Variants in C3orf22 observed in about 807,000 individuals in gnomAD.
The protein encoded by C3orf22 is chromosome 3 open reading frame 22, also known as uncharacterized protein C3orf22.
A neutral mutation model predicts 10.8 loss-of-function variants in C3orf22; 7 were observed. The observed-to-expected ratio is 0.65, with a 90% CI of 0.37 to 1.22. The LOEUF is 1.22. Ranked by LOEUF, C3orf22 falls within the 50% of genes most tolerant of loss-of-function variation. The probability of loss-of-function intolerance (pLI) is 0.02; values close to 1 mark genes in which losing one functional copy is unlikely to be tolerated. For missense variants in C3orf22, 173 were observed against 177.0 expected (o/e 0.98, Z 0.13); for synonymous variants, 79 against 78.9 (o/e 1.00, Z 0.00).
At chr3:126,528,771 G>A (rs1463383473) in intron 5 of C3orf22, among the ~76,000 whole-genome samples, 1 of 152,114 alleles carries the variant, frequency 6.6e-6, no homozygotes, top group Non-Finnish European at 1.5e-5. Flanking sequence ...AATACACGTG[G>A]AGAGATCTCT....
At chr3:126,529,055 C>A (rs150795824) in intron 5 of C3orf22, 1 of 355,008 alleles carries the variant, frequency 2.8e-6, no homozygotes, top group Non-Finnish European at 5.6e-6. Flanking sequence ...TAACCAGAAG[C>A]CGAGTGTCAT....
intron 4 of C3orf22, chr3:126,542,613 T>G: frequency 7.0e-7 from 1 of 1,438,480 alleles, no homozygotes; most frequent in Non-Finnish European, 9.1e-7. Context: ...GCGGGGCAAG[T>G]GCCTTTCCGA....
intron 1 of C3orf22, among the ~76,000 whole-genome samples, chr3:126,556,140 T>G (rs1261653527): frequency 6.6e-6 from 1 of 152,202 alleles, no homozygotes; most frequent in Non-Finnish European, 1.5e-5. Context: ...GCCTGAGATT[T>G]GCAGCAGATG....
downstream of C3orf22, among the ~76,000 whole-genome samples, chr3:126,549,251 G>GC (rs113455201): frequency 5.1e-5 from 5 of 98,220 alleles, no homozygotes; most frequent in African/African-American, 1.2e-4. Flanking sequence ...CCTCATCCAC[G>GC]CCCCCCCCCC....
At chr3:126,553,270 G>C (rs1377211586) in intron 2 of C3orf22, 32 bp downstream of exon 2, 15 of 1,491,894 alleles carry the variant, frequency 1.0e-5, no homozygotes, top group Non-Finnish European at 1.4e-5. Flanking sequence ...GGGGAGGCAG[G>C]GCTTGTCTCC....
chr3:126,544,869 C>T (rs1177413459), downstream of C3orf22, among the ~76,000 whole-genome samples: 1 of 152,248 alleles, frequency 6.6e-6, no homozygotes, highest in African/African-American at 2.4e-5. Context: ...ACGCTGTGCC[C>T]ACCACATGCA....
chr3:126,531,721 AT>A (rs1387418931), intron 4 of C3orf22, among the ~76,000 whole-genome samples: 3 of 152,134 alleles, frequency 2.0e-5, no homozygotes, highest in Admixed American at 2.0e-4. Flanking sequence ...CAGCTGATGG[AT>A]TTGGGTTGTT....
intron 5 of C3orf22, among the ~76,000 whole-genome samples, chr3:126,528,907 A>G (rs921868434): frequency 2.6e-5 from 4 of 152,238 alleles, no homozygotes; most frequent in Non-Finnish European, 5.9e-5. Flanking sequence ...CACCCCAGAA[A>G]GCCCCTAGGG....
chr3:126,552,133 A>T lies in C3orf22; in HGVS notation c.90-11T>A. 1 of 1,613,462 alleles carries T rather than the reference A, an allele frequency of 6.2e-7. No homozygotes were observed. Among genetic ancestry groups the T allele is most frequent in the South Asian group, 1.1e-5 (1 of 91,000 alleles). On this transcript the variant is annotated splice_polypyrimidine_tract_variant and intron_variant, in intron 2 of 3. Coordinates refer to ENST00000318225, the MANE Select transcript of C3orf22 (RefSeq NM_152533.3). Reference sequence around the variant, plus strand: ...GTCAGCCACGACAACCTGCAACAGCACTTGGAATGTCAACATGGCCACCAT... The same window carrying T: ...GTCAGCCACGACAACCTGCAACAGCTCTTGGAATGTCAACATGGCCACCAT...
chr3:126,553,522 G>C (rs1276896574), intron 1 of C3orf22, 92 bp from the exon 2 acceptor site: 1 of 808,774 alleles, frequency 1.2e-6, no homozygotes, highest in Non-Finnish European at 2.1e-6. Context: ...GGGTGCCTGC[G>C]GGCCGCCAAA....
downstream of C3orf22, among the ~76,000 whole-genome samples, chr3:126,549,029 C>T (rs946544832): frequency 3.3e-5 from 5 of 152,200 alleles, no homozygotes; most frequent in African/African-American, 1.2e-4. Context: ...AAATCTTCAG[C>T]AGGCACCCCG....
At chr3:126,537,624 C>T (rs1364944571) in intron 4 of C3orf22, among the ~76,000 whole-genome samples, 1 of 152,158 alleles carries the variant, frequency 6.6e-6, no homozygotes, top group Non-Finnish European at 1.5e-5. Flanking sequence ...AGGACAGGCA[C>T]TCAGTAGGGC....
downstream of C3orf22, among the ~76,000 whole-genome samples, chr3:126,545,839 G>A (rs965743021): frequency 6.6e-6 from 1 of 152,196 alleles, no homozygotes; most frequent in Non-Finnish European, 1.5e-5. Flanking sequence ...CAGAGGAAGG[G>A]GGCTGAGGGC....
intron 4 of C3orf22, among the ~76,000 whole-genome samples, chr3:126,536,752 C>A (rs1245624073): frequency 6.6e-6 from 1 of 151,874 alleles, no homozygotes; most frequent in African/African-American, 2.4e-5. Flanking sequence ...ATGGACCAGG[C>A]GGGGCTGGCT....
At chr3:126,546,900 C>T (rs560887032), downstream of C3orf22, among the ~76,000 whole-genome samples, 26 of 152,304 alleles carry the variant, frequency 1.7e-4, no homozygotes, top group African/African-American at 5.8e-4. Context: ...GCTGGTTCTG[C>T]GGGACTGAGG....
intron 4 of C3orf22, among the ~76,000 whole-genome samples, chr3:126,534,419 T>C (rs1936720615): frequency 6.6e-6 from 1 of 152,146 alleles, no homozygotes; most frequent in African/African-American, 2.4e-5. Flanking sequence ...ACAGCATCCC[T>C]GTCCTCATCT....
At chr3:126,544,616 C>T (rs1937036318) in intron 4 of C3orf22, among the ~76,000 whole-genome samples, 1 of 152,158 alleles carries the variant, frequency 6.6e-6, no homozygotes, top group African/African-American at 2.4e-5. Context: ...TGCCTTTGTT[C>T]CCAGCTCACT....
At position 126,549,819 on chromosome 3, in the gene C3orf22, T is replaced by G; in HGVS notation, c.*49A>C. On this transcript the variant is annotated 3_prime_UTR_variant, in exon 4 of 4. Coordinates refer to ENST00000318225, the MANE Select transcript of C3orf22 (RefSeq NM_152533.3). ...GTCTCTGTGGCTACTGCCCAGAGCCTGCCAAGGAGAAGGTGGCCAATAAGA... is the reference window on the plus strand; with the variant it reads ...GTCTCTGTGGCTACTGCCCAGAGCCGGCCAAGGAGAAGGTGGCCAATAAGA... 2 of 1,570,620 alleles carry G rather than the reference T, an allele frequency of 1.3e-6. No homozygotes were observed. Among genetic ancestry groups the G allele is most frequent in the Non-Finnish European group, 1.7e-6 (2 of 1,158,560 alleles).
rs112901554 is a variant in C3orf22 at position 126,553,307 on chromosome 3, C to T, written c.84G>A (p.Pro28=). Residue 28 remains proline (P), a synonymous_variant, in exon 2 of 4, where the codon CCG becomes CCA. Transcript: ENST00000318225. ...QAQENFAKKF[P]YRLSWLTEPD... Reference sequence around the variant, plus strand: ...GAGGTGTCAGCCTCCCGCACCTGTACGGAAACTTCTTGGCAAAATTCTCCT... The same window carrying T: ...GAGGTGTCAGCCTCCCGCACCTGTATGGAAACTTCTTGGCAAAATTCTCCT... The T allele has an allele frequency of 7.4e-5, 119 of 1,613,006 alleles. No homozygotes were observed. In the African/African-American group the frequency reaches 1.0e-3, roughly 14 times the overall value.
Sources: gnomAD v4.1 joint callset for allele counts (sites outside exome capture counted in the v4.1 genomes callset) on GRCh38, gnomAD v4.1.1 for gene constraint, MANE v1.5 for transcripts, NCBI Gene and HGNC (gene_info 2026-07-23, HGNC 2026-07-21) for gene names.